Variants in C13orf42 observed in about 807,000 individuals in gnomAD.
The protein encoded by C13orf42 is chromosome 13 open reading frame 42.
chr13:51,107,726 C>T (rs993624590), intron 1 of C13orf42, among the ~76,000 whole-genome samples: 6 of 152,242 alleles, frequency 3.9e-5, no homozygotes, highest in Non-Finnish European at 7.3e-5. Flanking sequence ...ATAGTATTCA[C>T]TTTTATGCTC....
intron 1 of C13orf42, among the ~76,000 whole-genome samples, chr13:51,102,944 T>C (rs1342544642): frequency 1.3e-5 from 2 of 152,198 alleles, no homozygotes; most frequent in East Asian, 3.9e-4. Context: ...GAGAACTCCC[T>C]CCCTATCATG....
intron 1 of C13orf42, among the ~76,000 whole-genome samples, chr13:51,093,355 G>T (rs1320713217): frequency 1.3e-5 from 2 of 152,172 alleles, no homozygotes; most frequent in African/African-American, 4.8e-5. Flanking sequence ...CTGTCCAGTA[G>T]GACTTTCTGT....
chr13:51,138,068 C>A (rs1290769709), intron 1 of C13orf42, among the ~76,000 whole-genome samples: 1 of 152,186 alleles, frequency 6.6e-6, no homozygotes, highest in Non-Finnish European at 1.5e-5. Context: ...CCTTTCCATG[C>A]TACTTTCTGT....
chr13:51,150,135 G>A (rs1953767837), intron 1 of C13orf42, among the ~76,000 whole-genome samples: 1 of 152,220 alleles, frequency 6.6e-6, no homozygotes, highest in Non-Finnish European at 1.5e-5. Flanking sequence ...ACAAAATTAT[G>A]TAGACAAAAA....
intron 1 of C13orf42, among the ~76,000 whole-genome samples, chr13:51,138,357 A>C (rs1953672497): frequency 6.6e-6 from 1 of 152,222 alleles, no homozygotes; most frequent in Non-Finnish European, 1.5e-5. Flanking sequence ...CTTACAACTC[A>C]ATAGCCAAAA....
chr13:51,121,795 A>T (rs543308014), intron 1 of C13orf42, among the ~76,000 whole-genome samples: 3 of 152,136 alleles, frequency 2.0e-5, no homozygotes, highest in Non-Finnish European at 4.4e-5. Flanking sequence ...TCGGCCTCCC[A>T]AAGTGCTGGA....
At chr13:51,139,367 G>A (rs1198397067) in intron 1 of C13orf42, among the ~76,000 whole-genome samples, 1 of 152,168 alleles carries the variant, frequency 6.6e-6, no homozygotes, top group Non-Finnish European at 1.5e-5. Flanking sequence ...TAGGATCATG[G>A]CTGCCAGGGG....
intron 1 of C13orf42, among the ~76,000 whole-genome samples, chr13:51,144,974 G>A (rs947798543): frequency 1.3e-5 from 2 of 152,068 alleles, no homozygotes; most frequent in Non-Finnish European, 2.9e-5. Flanking sequence ...TAGTAAAATG[G>A]GAAACTGGAG....
Position 51,087,998 on chromosome 13 carries a change from T to C in C13orf42, c.492A>G (p.Ala164=). Residue 164 remains alanine (A), a synonymous_variant, in exon 2 of 4, where the codon GCA becomes GCG. Coordinates refer to ENST00000563710, the MANE Select transcript of C13orf42 (RefSeq NM_001351589.3). ...EAIAFFDSII[A]ELDTERRPRA... ...GGGGTCGTCTCTCTGTATCCAGCTC[T>C]GCAATGATGGAGTCAAAGAAGGCAA... 1 of 398,832 alleles carries C rather than the reference T, an allele frequency of 2.5e-6. No individual in the cohort carries two copies. The highest frequency in any genetic ancestry group is 4.4e-6 in the Non-Finnish European group (1 of 226,138). 24.7% of individuals were successfully genotyped at this position (398,832 alleles called of 1,614,324 possible).
chr13:51,134,339 G>T (rs1486558514), intron 1 of C13orf42, among the ~76,000 whole-genome samples: 1 of 152,098 alleles, frequency 6.6e-6, no homozygotes, highest in African/African-American at 2.4e-5. Context: ...CTTTACTGGG[G>T]TATGTAATGA....
chr13:51,108,243 G>T (rs1953383708), intron 1 of C13orf42, among the ~76,000 whole-genome samples: 1 of 152,178 alleles, frequency 6.6e-6, no homozygotes, highest in Non-Finnish European at 1.5e-5. Flanking sequence ...TCTAACTGAG[G>T]TCACTATCTG....
At chr13:51,118,550 G>T (rs572723490) in intron 1 of C13orf42, among the ~76,000 whole-genome samples, 1 of 152,248 alleles carries the variant, frequency 6.6e-6, no homozygotes, top group East Asian at 1.9e-4. Context: ...GGGGCAGAGA[G>T]TGAAGCTGCC....
At chr13:51,098,816 C>G (rs1351503983) in intron 1 of C13orf42, among the ~76,000 whole-genome samples, 2 of 151,856 alleles carry the variant, frequency 1.3e-5, no homozygotes, top group African/African-American at 2.4e-5. Flanking sequence ...TATGTATGAA[C>G]ATCGAGCATC....
At chr13:51,162,251 T>C (rs990346999) in intron 1 of C13orf42, 1 of 197,038 alleles carries the variant, frequency 5.1e-6, no homozygotes, top group African/African-American at 2.4e-5. Context: ...CCAAGCATAG[T>C]AATCAGTTTT....
In C13orf42 at chr13:51,103,937, A is replaced by G. The variant is rs536877434; in HGVS notation, c.414+6859T>C. ...GTGCAGTTTCTGTTTGGAATGAAAAAGTTGTGGAGATGGATGGTAGTGATC... is the reference window on the plus strand; with the variant it reads ...GTGCAGTTTCTGTTTGGAATGAAAAGGTTGTGGAGATGGATGGTAGTGATC... On this transcript the variant is annotated intron_variant, in intron 1 of 3. Transcript: ENST00000563710. Among the ~76,000 whole-genome samples, 5 of 152,280 alleles carry G rather than the reference A, an allele frequency of 3.3e-5. No homozygotes were observed. The East Asian group carries it at 5.8e-4, about 18-fold the overall frequency.
chr13:51,094,072 G>C (rs1953208674), intron 1 of C13orf42, among the ~76,000 whole-genome samples: 1 of 152,112 alleles, frequency 6.6e-6, no homozygotes, highest in Non-Finnish European at 1.5e-5. Flanking sequence ...TTGACAGCAA[G>C]AACTCTTTCA....
chr13:51,165,737 G>C (rs1031425414), intron 1 of C13orf42, among the ~76,000 whole-genome samples: 1 of 152,084 alleles, frequency 6.6e-6, no homozygotes, highest in Admixed American at 6.6e-5. Context: ...AATTTTGGTG[G>C]GATGCTGATG....
chr13:51,098,969 C>T (rs1238879542), intron 1 of C13orf42, among the ~76,000 whole-genome samples: 3 of 152,094 alleles, frequency 2.0e-5, no homozygotes, highest in African/African-American at 4.8e-5. Context: ...CAGGGTAAAA[C>T]GTGGAATTGG....
intron 1 of C13orf42, among the ~76,000 whole-genome samples, chr13:51,107,871 C>A (rs1226976749): frequency 6.6e-6 from 1 of 152,120 alleles, no homozygotes; most frequent in Non-Finnish European, 1.5e-5. Context: ...TGTGTTCAGA[C>A]CAATGCCGGA....
Sources: gnomAD v4.1 joint callset for allele counts (sites outside exome capture counted in the v4.1 genomes callset) on GRCh38, gnomAD v4.1.1 for gene constraint, MANE v1.5 for transcripts, NCBI Gene and HGNC (gene_info 2026-07-23, HGNC 2026-07-21) for gene names.